Variants in MINDY4 observed in about 807,000 individuals in gnomAD.
MINDY4 encodes the protein MINDY lysine 48 deubiquitinase 4, also known as probable ubiquitin carboxyl-terminal hydrolase MINDY-4.
Under a neutral mutation model 87.0 loss-of-function variants are expected in MINDY4, and 68 were observed. The observed-to-expected ratio is 0.78, with a 90% CI of 0.64 to 0.96. The LOEUF (loss-of-function observed/expected upper bound fraction) is 0.96, where lower values mean the gene tolerates loss of function less well. Among genes scored for constraint, MINDY4 ranks in the 40% least tolerant of loss-of-function variants. The pLI is 0.00. For missense variants in MINDY4, 919 were observed against 928.2 expected, an observed-to-expected ratio of 0.99 and a Z score of 0.13; for synonymous variants, 379 against 363.2, an observed-to-expected ratio of 1.04 and a Z score of -0.50.
chr7:30,851,982 C>T (rs548167518), intron 10 of MINDY4, among the ~76,000 whole-genome samples: 155 of 152,264 alleles, frequency 1.0e-3, no homozygotes, highest in South Asian at 2.7e-3. Flanking sequence ...TCTCCCTTTG[C>T]AGTCTTTTTT....
At position 30,832,779 on chromosome 7, in the gene MINDY4, A is replaced by G. The variant is rs546555694; in HGVS notation, c.1133-3879A>G. 9.9e-5 allele frequency among the ~76,000 whole-genome samples: 15 copies of G among 152,238 alleles called. No individual in the cohort carries two copies. The South Asian group carries it at 2.7e-3, about 27-fold the overall frequency. The stretch of plus-strand genomic sequence containing the variant: ...CACCTTGGCCTCCCAAAGTGTTGGG[A>G]TTACAGGCATGAGCCACCGTGCCTG... On this transcript the variant is annotated intron_variant, in intron 6 of 17. Transcript: ENST00000265299.
At chr7:30,857,434 C>T (rs1479171352) in intron 12 of MINDY4, among the ~76,000 whole-genome samples, 1 of 151,158 alleles carries the variant, frequency 6.6e-6, no homozygotes, top group Non-Finnish European at 1.5e-5. Context: ...AGTTATTTCC[C>T]CAAGAGGAGA....
intron 9 of MINDY4, among the ~76,000 whole-genome samples, chr7:30,846,586 C>A (rs1397824747): frequency 6.6e-6 from 1 of 152,170 alleles, no homozygotes; most frequent in Non-Finnish European, 1.5e-5. Context: ...GCTGAGCTAT[C>A]TGGTAAAGGC....
chr7:30,872,207 C>T, intron 13 of MINDY4, 36 bp from the exon 14 acceptor site: 1 of 1,610,660 alleles, frequency 6.2e-7, no homozygotes, highest in African/African-American at 1.3e-5. Context: ...CTGGGTCAGG[C>T]AGAGCTGTGC....
intron 5 of MINDY4, among the ~76,000 whole-genome samples, chr7:30,798,803 T>C (rs1787568226): frequency 6.6e-6 from 1 of 152,158 alleles, no homozygotes; most frequent in Non-Finnish European, 1.5e-5. Context: ...CAGCCCTGCA[T>C]CTTACTTTCT....
At chr7:30,818,513 A>G (rs1407051555) in intron 5 of MINDY4, among the ~76,000 whole-genome samples, 1 of 152,324 alleles carries the variant, frequency 6.6e-6, no homozygotes, top group East Asian at 1.9e-4. Flanking sequence ...GCCCCATTAG[A>G]TGAAGAATAA....
chr7:30,810,143 C>T (rs1434078267), intron 5 of MINDY4, among the ~76,000 whole-genome samples: 1 of 133,354 alleles, frequency 7.5e-6, no homozygotes, highest in Non-Finnish European at 1.5e-5. Context: ...GCCACACACT[C>T]CAGCCTGGGC....
At chr7:30,798,141 C>T (rs993225772) in intron 5 of MINDY4, among the ~76,000 whole-genome samples, 1 of 152,154 alleles carries the variant, frequency 6.6e-6, no homozygotes, top group African/African-American at 2.4e-5. Context: ...GTATACACAC[C>T]TGGACAGCAT....
chr7:30,824,051 G>T (rs2128561483), intron 5 of MINDY4, among the ~76,000 whole-genome samples: 1 of 152,244 alleles, frequency 6.6e-6, no homozygotes, highest in African/African-American at 2.4e-5. Flanking sequence ...CAAATATATA[G>T]CAAATGTCTT....
intron 10 of MINDY4, among the ~76,000 whole-genome samples, chr7:30,851,138 T>C (rs1385744116): frequency 1.3e-5 from 2 of 152,236 alleles, no homozygotes; most frequent in Non-Finnish European, 2.9e-5. Flanking sequence ...TTCAGCCTGA[T>C]CCGTCAGAGT....
intron 5 of MINDY4, among the ~76,000 whole-genome samples, chr7:30,807,796 C>T (rs751495240): frequency 4.0e-4 from 61 of 152,178 alleles, no homozygotes; most frequent in Admixed American, 1.9e-3. Flanking sequence ...CAGTCACGTA[C>T]CCCCTGCTTG....
chr7:30,868,879 G>A (rs1193609599), intron 13 of MINDY4, among the ~76,000 whole-genome samples: 1 of 152,148 alleles, frequency 6.6e-6, no homozygotes, highest in Non-Finnish European at 1.5e-5. Flanking sequence ...TTGGTTCAGG[G>A]TTCTGACCCT....
At chr7:30,843,252 T>C (rs1789097432) in intron 9 of MINDY4, among the ~76,000 whole-genome samples, 1 of 152,126 alleles carries the variant, frequency 6.6e-6, no homozygotes, top group Admixed American at 6.5e-5. Flanking sequence ...GAGAACAAGA[T>C]GTGCAAAGCC....
At chr7:30,880,765 A>G (rs917576067) in intron 15 of MINDY4, among the ~76,000 whole-genome samples, 3 of 152,144 alleles carry the variant, frequency 2.0e-5, no homozygotes, top group African/African-American at 4.8e-5. Flanking sequence ...GTCCACTTCA[A>G]TGGCACACAG....
At chr7:30,810,415 G>C (rs149381638) in intron 5 of MINDY4, among the ~76,000 whole-genome samples, 1 of 150,700 alleles carries the variant, frequency 6.6e-6, no homozygotes, top group Non-Finnish European at 1.5e-5. Flanking sequence ...AGGATTATAA[G>C]GAGGCATAAG....
chr7:30,852,059 T>C (rs1237291282), intron 10 of MINDY4, among the ~76,000 whole-genome samples, 157 bp from the exon 11 acceptor site: 1 of 151,874 alleles, frequency 6.6e-6, no homozygotes, highest in East Asian at 1.9e-4. Flanking sequence ...AGTGGGTGAG[T>C]TCAAAGTGGG....
chr7:30,834,432 G>A (rs1018429675), intron 6 of MINDY4, among the ~76,000 whole-genome samples: 1 of 152,174 alleles, frequency 6.6e-6, no homozygotes, highest in Non-Finnish European at 1.5e-5. Flanking sequence ...TCCTTATGCT[G>A]TACACAGCAC....
intron 12 of MINDY4, chr7:30,858,304 C>T (rs1289225598): frequency 6.6e-6 from 1 of 152,298 alleles, no homozygotes; most frequent in Non-Finnish European, 1.5e-5. Flanking sequence ...GTGCCAGGCC[C>T]TGTTTGAAAT....
chr7:30,830,681 A>G (rs1209102334), intron 6 of MINDY4, among the ~76,000 whole-genome samples: 2 of 152,146 alleles, frequency 1.3e-5, no homozygotes, highest in Non-Finnish European at 2.9e-5. Context: ...GTTCCCTCCT[A>G]TGACATGTGG....
Sources: gnomAD v4.1 joint callset for allele counts (sites outside exome capture counted in the v4.1 genomes callset) on GRCh38, gnomAD v4.1.1 for gene constraint, MANE v1.5 for transcripts, NCBI Gene and HGNC (gene_info 2026-07-23, HGNC 2026-07-21) for gene names.